Variants in BDNF observed in about 807,000 individuals in gnomAD.
BDNF encodes the protein brain derived neurotrophic factor.
A neutral mutation model predicts 19.5 loss-of-function variants in BDNF; 1 was observed. That is an observed-to-expected ratio of 0.05 (90% CI 0.02 to 0.24). The LOEUF (loss-of-function observed/expected upper bound fraction) is 0.24. Ranked by LOEUF, BDNF falls within the 10% of genes least tolerant of loss-of-function variation. BDNF has a pLI of 1.00. For missense variants in BDNF, 195 were observed against 317.6 expected (o/e 0.61, Z 2.93); for synonymous variants, 100 against 121.6 (o/e 0.82, Z 1.17).
At chr11:27,663,232 A>G (rs1258023712) in intron 1 of BDNF, among the ~76,000 whole-genome samples, 1 of 152,234 alleles carries the variant, frequency 6.6e-6, no homozygotes, top group African/African-American at 2.4e-5. Flanking sequence ...GAGGCTGTGT[A>G]ATATTGCTAA....
intron 1 of BDNF, among the ~76,000 whole-genome samples, chr11:27,717,133 G>A (rs1311522844): frequency 1.3e-5 from 2 of 152,184 alleles, no homozygotes; most frequent in East Asian, 3.8e-4. Context: ...AAATCTGATA[G>A]GGAAAGAGTC....
intron 1 of BDNF, among the ~76,000 whole-genome samples, chr11:27,673,539 A>C (rs1198149055): frequency 4.6e-5 from 7 of 152,190 alleles, no homozygotes; most frequent in Admixed American, 4.6e-4. Flanking sequence ...TTCTGCCATG[A>C]AATGCTATGG....
At chr11:27,662,061 G>C (rs935993065) in intron 1 of BDNF, among the ~76,000 whole-genome samples, 5 of 152,094 alleles carry the variant, frequency 3.3e-5, no homozygotes, top group Non-Finnish European at 7.3e-5. Context: ...GGAGTGCAAT[G>C]GTGCAATCTC....
At chr11:27,691,043 G>A (rs1316414740) in intron 1 of BDNF, 2 of 152,116 alleles carry the variant, frequency 1.3e-5, no homozygotes, top group Admixed American at 6.5e-5. Flanking sequence ...AATGCTTTAA[G>A]AAAATGTCTA....
At chr11:27,700,071 G>A in intron 1 of BDNF, 93 bp downstream of exon 1, 6 of 969,922 alleles carry the variant, frequency 6.2e-6, no homozygotes, top group Non-Finnish European at 7.4e-6. Context: ...GACTGGCCTC[G>A]TCCCACAACT....
In BDNF at chr11:27,715,381, CA is replaced by C. The variant is rs576079564; in HGVS notation, c.3+6030del. Among the ~76,000 whole-genome samples, 137 of 152,234 alleles carry C rather than the reference CA, an allele frequency of 9.0e-4. 2 individuals are homozygous for C. The Middle Eastern group carries it at 0.027, about 30-fold the overall frequency. On this transcript the variant is annotated intron_variant, in intron 1 of 1. Coordinates refer to the BDNF transcript ENST00000314915. ...CCCAGAACCCAGATTCTATGATTCA[CA>C]AGTAAAGGTAATGTACATCTTGGCT...
intron 1 of BDNF, among the ~76,000 whole-genome samples, chr11:27,711,672 T>A (rs1272210689): frequency 6.6e-6 from 1 of 152,244 alleles, no homozygotes; most frequent in Non-Finnish European, 1.5e-5. Context: ...TTTGGGCAAG[T>A]TACTTAAATT....
intron 1 of BDNF, among the ~76,000 whole-genome samples, chr11:27,670,599 G>A (rs1279061164): frequency 2.6e-5 from 4 of 152,080 alleles, no homozygotes; most frequent in Admixed American, 1.3e-4. Context: ...GTGGGTGAAG[G>A]ATATGAACAG....
chr11:27,670,338 CAT>C (rs1227815717), intron 1 of BDNF, among the ~76,000 whole-genome samples: 9 of 152,288 alleles, frequency 5.9e-5, no homozygotes, highest in African/African-American at 2.2e-4. Context: ...CCATTCAGGA[CAT>C]AGGCATGGAC....
At chr11:27,696,201 TAAGTAG>T (rs2052028734) in intron 1 of BDNF, 1 of 152,194 alleles carries the variant, frequency 6.6e-6, no homozygotes, top group Non-Finnish European at 1.5e-5. Context: ...TTCTATGCCT[TAAGTAG>T]AAGTTTAAGA....
intron 1 of BDNF, among the ~76,000 whole-genome samples, chr11:27,695,853 A>G (rs1858924417): frequency 6.6e-6 from 1 of 152,056 alleles, no homozygotes; most frequent in Non-Finnish European, 1.5e-5. Context: ...GATTTGTCTC[A>G]TCAAGAGGAT....
At chr11:27,659,089 T>G in intron 1 of BDNF, 1 of 1,018,216 alleles carries the variant, frequency 9.8e-7, no homozygotes, top group Non-Finnish European at 1.2e-6. Context: ...ATGTGATGTC[T>G]AGGCATGAAT....
chr11:27,716,562 A>C (rs892064803), intron 1 of BDNF, among the ~76,000 whole-genome samples: 3 of 152,162 alleles, frequency 2.0e-5, no homozygotes, highest in Non-Finnish European at 4.4e-5. Flanking sequence ...CAGTTGTAAA[A>C]TTAAAATAAG....
rs1859640203 is a variant in BDNF at position 27,699,553 on chromosome 11, AGACCCTTTCAGTTCCCAGC to A, written c.-22+592_-22+610del. On this transcript the variant is annotated intron_variant, in intron 1 of 1. Transcript: ENST00000356660. ...GGTTCGGCCTGCCCGAGAGTGTCGCAGACCCTTTCAGTTCCCAGCGGTAGGAATTCCGCCTCCCAAGTTT... is the reference window on the plus strand; with the variant it reads ...GGTTCGGCCTGCCCGAGAGTGTCGCAGGTAGGAATTCCGCCTCCCAAGTTT... 11 of 1,562,304 alleles carry A rather than the reference AGACCCTTTCAGTTCCCAGC, an allele frequency of 7.0e-6. 1 individual carries two copies. The highest frequency in any genetic ancestry group is 9.5e-6 in the Non-Finnish European group (11 of 1,154,252).
chr11:27,683,178 C>T (rs1282032117), intron 1 of BDNF, among the ~76,000 whole-genome samples: 2 of 152,188 alleles, frequency 1.3e-5, no homozygotes, highest in Non-Finnish European at 2.9e-5. Flanking sequence ...AGCTTTTCTT[C>T]GTATGTTTGT....
chr11:27,687,342 T>C (rs141086124), intron 1 of BDNF, among the ~76,000 whole-genome samples: 1 of 152,208 alleles, frequency 6.6e-6, no homozygotes, highest in Admixed American at 6.5e-5. Context: ...TTCTTTGCAT[T>C]GGGTTAGAGC....
At chr11:27,711,544 C>T (rs947091184) in intron 1 of BDNF, among the ~76,000 whole-genome samples, 1 of 151,896 alleles carries the variant, frequency 6.6e-6, no homozygotes, top group African/African-American at 2.4e-5. Context: ...AATGGGAGAC[C>T]CAGATTAAAT....
At chr11:27,662,719 T>A (rs561037614) in intron 1 of BDNF, among the ~76,000 whole-genome samples, 5 of 152,336 alleles carry the variant, frequency 3.3e-5, no homozygotes, top group African/African-American at 1.2e-4. Context: ...TCTATGAGAA[T>A]CTAATGCTGC....
chr11:27,684,997 TGGTAGAATTCA>T (rs1857300333), intron 1 of BDNF, among the ~76,000 whole-genome samples: 1 of 152,224 alleles, frequency 6.6e-6, no homozygotes, highest in Non-Finnish European at 1.5e-5. Context: ...TTTGTACTTC[TGGTAGAATTCA>T]GCTGTGAATC....
Sources: allele counts gnomAD v4.1 joint callset (sites outside exome capture counted in the v4.1 genomes callset), GRCh38; gene constraint gnomAD v4.1.1; transcripts MANE v1.5; gene names NCBI Gene and HGNC (gene_info 2026-07-23, HGNC 2026-07-21).